PPP2R2B: variants seen among roughly 807,000 people sequenced by gnomAD.
PPP2R2B encodes the protein protein phosphatase 2 regulatory subunit Bbeta.
PPP2R2B carries 5 observed loss-of-function variants against 46.0 expected under a neutral mutation model. The observed-to-expected ratio is 0.11, with a 90% CI of 0.06 to 0.23. The LOEUF (loss-of-function observed/expected upper bound fraction) is 0.23, where lower values mean the gene tolerates loss of function less well. Ranked by LOEUF, PPP2R2B falls within the 10% of genes least tolerant of loss-of-function variation. PPP2R2B has a pLI of 1.00. For synonymous variants in PPP2R2B, 215 were observed against 206.7 expected, an observed-to-expected ratio of 1.04 and a Z score of -0.34; for missense variants, 367 against 575.0, an observed-to-expected ratio of 0.64 and a Z score of 3.70.
At chr5:146,887,496 C>CTA (rs966036430) in intron 1 of PPP2R2B, among the ~76,000 whole-genome samples, 17 of 151,010 alleles carry the variant, frequency 1.1e-4, no homozygotes, top group East Asian at 5.8e-4. Context: ...ACAGACATAC[C>CTA]TATATATATA....
In PPP2R2B at chr5:146,590,241, G is replaced by C; in HGVS notation, c.1053-15C>G. The C allele has an allele frequency of 6.6e-7, 1 of 1,510,172 alleles. No homozygotes were observed. Among genetic ancestry groups the C allele is most frequent in the East Asian group, 2.3e-5 (1 of 43,932 alleles). 93.5% of individuals were successfully genotyped at this position (1,510,172 alleles called of 1,614,324 possible). The stretch of plus-strand genomic sequence containing the variant: ...TCATGATGACACTGCAAGGCAGAGA[G>C]CAAAGGCAATGACATATCTTCACTG... On this transcript the variant is annotated splice_polypyrimidine_tract_variant and intron_variant, in intron 9 of 9. Transcript: ENST00000394411.
At chr5:146,951,354 T>G (rs556655501) in intron 1 of PPP2R2B, among the ~76,000 whole-genome samples, 1 of 152,014 alleles carries the variant, frequency 6.6e-6, no homozygotes, top group Non-Finnish European at 1.5e-5. Context: ...ATGCCTTTTT[T>G]TTTTAAAAAT....
chr5:146,897,131 A>G lies in PPP2R2B; in HGVS notation c.79+158534T>C, dbSNP rs185859740. 1.2e-4 allele frequency among the ~76,000 whole-genome samples: 19 copies of G among 152,326 alleles called. No individual in the cohort carries two copies. The East Asian group carries it at 2.9e-3, about 23-fold the overall frequency. ...GGTCATTAAGTGAACGATGCATTTC[A>G]TGTGTTTCTGAGAGAAGACAGGTAA... On this transcript the variant is annotated intron_variant, in intron 1 of 8. Coordinates refer to the PPP2R2B transcript ENST00000336640.
chr5:146,788,123 G>C (rs79834748), intron 2 of PPP2R2B, among the ~76,000 whole-genome samples: 1 of 152,020 alleles, frequency 6.6e-6, no homozygotes, highest in Non-Finnish European at 1.5e-5. Context: ...GAGCATTTGC[G>C]CAAGTTGCCT....
intron 5 of PPP2R2B, 81 bp downstream of exon 5, chr5:146,691,047 C>A: frequency 8.1e-7 from 1 of 1,228,478 alleles, no homozygotes; most frequent in African/African-American, 1.5e-5. Flanking sequence ...ATAGTTGCAA[C>A]CTACAGTAAC....
chr5:147,041,031 C>T (rs930250429), intron 1 of PPP2R2B, among the ~76,000 whole-genome samples: 2 of 152,222 alleles, frequency 1.3e-5, no homozygotes, highest in African/African-American at 4.8e-5. Context: ...CCAGGAATGT[C>T]AGAAACAGTC....
chr5:146,901,826 T>G (rs980697518), intron 1 of PPP2R2B, among the ~76,000 whole-genome samples: 4 of 152,134 alleles, frequency 2.6e-5, no homozygotes, highest in Non-Finnish European at 5.9e-5. Flanking sequence ...GATGAGTGGT[T>G]GCATTAGAAG....
chr5:147,047,132 C>A (rs375637232), intron 1 of PPP2R2B, among the ~76,000 whole-genome samples: 69 of 152,088 alleles, frequency 4.5e-4, no homozygotes, highest in Middle Eastern at 3.4e-3. Flanking sequence ...CTTCCTATCA[C>A]CATGTTGTAT....
At chr5:146,680,244 A>G (rs1194462461) in intron 5 of PPP2R2B, among the ~76,000 whole-genome samples, 1 of 146,044 alleles carries the variant, frequency 6.8e-6, no homozygotes, top group African/African-American at 2.6e-5. Flanking sequence ...TGTCCTTTGT[A>G]GGGACATGGA....
chr5:146,674,554 A>G (rs73793214), intron 5 of PPP2R2B, among the ~76,000 whole-genome samples: 18,829 of 152,106 alleles, frequency 0.12, 1,542 homozygotes, highest in African/African-American at 0.22. Context: ...CTGTTCATAT[A>G]TTTCCCTTCT....
intron 1 of PPP2R2B, among the ~76,000 whole-genome samples, chr5:147,054,085 A>G (rs928542007): frequency 1.3e-5 from 2 of 152,250 alleles, no homozygotes; most frequent in African/African-American, 4.8e-5. Context: ...TTCCATTTTA[A>G]TGAAATAAAT....
At chr5:147,044,183 T>C (rs1481952532) in intron 1 of PPP2R2B, among the ~76,000 whole-genome samples, 1 of 152,098 alleles carries the variant, frequency 6.6e-6, no homozygotes, top group African/African-American at 2.4e-5. Context: ...CTCATTCTCA[T>C]GTTGAGTTTT....
At position 146,680,401 on chromosome 5, in the gene PPP2R2B, G is replaced by T. The variant is rs1335064172; in HGVS notation, c.447+10727C>A. Among the ~76,000 whole-genome samples the T allele has an allele frequency of 2.6e-4, 36 of 138,846 alleles. 2 individuals are homozygous for T. In the South Asian group the frequency reaches 7.1e-3, roughly 27 times the overall value. 91.1% of individuals were successfully genotyped at this position (138,846 alleles called of 152,430 possible). ...CACACTCTGGGGACTGTTGTGGGGT[G>T]GGGTGGGGAGGGAGGGATAGCATTG... On this transcript the variant is annotated intron_variant, in intron 5 of 9. Coordinates refer to ENST00000394411, the MANE Select transcript of PPP2R2B (RefSeq NM_181675.4).
rs184404231 is a variant in PPP2R2B, at chr5:146,774,495, G to A, written c.71-73353C>T. Among the ~76,000 whole-genome samples, 103 of 151,774 alleles carry A rather than the reference G, an allele frequency of 6.8e-4. No individual in the cohort carries two copies. In the East Asian group the frequency reaches 0.011, roughly 17 times the overall value. ...GGTTGTATACTAACATTATTACTGAGTTTACAGAAAAAAAAAATGGATGTA... is the reference window on the plus strand; with the variant it reads ...GGTTGTATACTAACATTATTACTGAATTTACAGAAAAAAAAAATGGATGTA... On this transcript the variant is annotated intron_variant, in intron 2 of 9. Coordinates refer to ENST00000394411, the MANE Select transcript of PPP2R2B (RefSeq NM_181675.4).
chr5:146,841,730 C>A (rs1037078368), intron 2 of PPP2R2B, among the ~76,000 whole-genome samples: 1 of 151,874 alleles, frequency 6.6e-6, no homozygotes, highest in Non-Finnish European at 1.5e-5. Context: ...GGGAGTTGAA[C>A]AATGAGAACA....
chr5:146,877,893 C>A, intron 2 of PPP2R2B, 109 bp downstream of exon 2: 1 of 1,331,854 alleles, frequency 7.5e-7, no homozygotes, highest in East Asian at 2.5e-5. Flanking sequence ...CGCCCCAGCC[C>A]TAGGGCCCGG....
intron 1 of PPP2R2B, among the ~76,000 whole-genome samples, chr5:146,883,853 T>C (rs1273571459): frequency 6.6e-6 from 1 of 152,160 alleles, no homozygotes; most frequent in Admixed American, 6.5e-5. Flanking sequence ...GACTCTGGGG[T>C]CTTAATGGAT....
intron 1 of PPP2R2B, among the ~76,000 whole-genome samples, chr5:146,905,843 G>T (rs927691723): frequency 6.6e-6 from 1 of 152,180 alleles, no homozygotes; most frequent in African/African-American, 2.4e-5. Context: ...GTGGTGGTAG[G>T]TTGGGATTGA....
At chr5:147,067,023 G>A (rs1003572423) in intron 2 of PPP2R2B, among the ~76,000 whole-genome samples, 4 of 152,154 alleles carry the variant, frequency 2.6e-5, no homozygotes, top group Non-Finnish European at 4.4e-5. Flanking sequence ...GGTAGAAAAT[G>A]CTAACATCTG....
Sources: gnomAD v4.1 joint callset for allele counts (sites outside exome capture counted in the v4.1 genomes callset) on GRCh38, gnomAD v4.1.1 for gene constraint, MANE v1.5 for transcripts, NCBI Gene and HGNC (gene_info 2026-07-23, HGNC 2026-07-21) for gene names.